Variants in ZNF879 observed in about 807,000 individuals in gnomAD.
ZNF879 encodes the protein zinc finger protein 879.
ZNF879 carries 32 observed loss-of-function variants against 44.3 expected under a neutral mutation model. The ratio of observed to expected loss-of-function variants is 0.72; its 90% CI spans 0.54 to 0.97. ZNF879 has a LOEUF of 0.97. Ranked by LOEUF, ZNF879 falls within the 50% of genes least tolerant of loss-of-function variation. The probability of loss-of-function intolerance (pLI) is 0.00; values close to 1 mark genes in which losing one functional copy is unlikely to be tolerated. For missense variants in ZNF879, 621 were observed against 669.7 expected (o/e 0.93, Z 0.80); for synonymous variants, 234 against 233.2 (o/e 1.00, Z -0.03).
At chr5:179,025,076 G>T (rs1425114262) in intron 2 of ZNF879, 39 bp downstream of exon 2, 2 of 1,550,356 alleles carry the variant, frequency 1.3e-6, no homozygotes, top group Admixed American at 3.9e-5. Context: ...TGCCTTCAGG[G>T]TCTAGACGTG....
At chr5:179,028,745 C>T (rs1761340414) in intron 4 of ZNF879, among the ~76,000 whole-genome samples, 1 of 152,154 alleles carries the variant, frequency 6.6e-6, no homozygotes, top group African/African-American at 2.4e-5. Context: ...GCTCCTAAGG[C>T]ATGTCACTTT....
intron 2 of ZNF879, among the ~76,000 whole-genome samples, chr5:179,027,225 C>A (rs1465880856): frequency 6.6e-6 from 1 of 152,142 alleles, no homozygotes; most frequent in Non-Finnish European, 1.5e-5. Context: ...ATCTAAAGTT[C>A]AGTGTTTTCT....
At chr5:179,027,784 T>C (rs1280103575) in intron 3 of ZNF879, among the ~76,000 whole-genome samples, 185 bp downstream of exon 3, 2 of 152,154 alleles carry the variant, frequency 1.3e-5, no homozygotes, top group Non-Finnish European at 2.9e-5. Flanking sequence ...TTTTCTCTGC[T>C]TTTCCTGTCT....
At position 179,032,474 on chromosome 5, in the gene ZNF879, A is replaced by G. The variant is rs1761446310; in HGVS notation, c.526A>G (p.Ile176Val). The G allele has an allele frequency of 6.4e-7, 1 of 1,551,718 alleles. No individual in the cohort carries two copies. The highest frequency in any genetic ancestry group is 8.7e-7 in the Non-Finnish European group (1 of 1,146,994). The change falls in exon 5 of 5, where the codon ATA (isoleucine) becomes GTA (valine). Residue 176 changes from isoleucine (I) to valine (V), a missense_variant. Coordinates refer to ENST00000444149, the MANE Select transcript of ZNF879 (RefSeq NM_001136116.3). ...ATCATCGCTTATTAGAAAACCGAGA[A>G]TAGTTTCCAGAGGAAGGAGACCCCG... The part of the protein sequence containing the change: ...LKSSLIRKPR[I>V]VSRGRRPRSQ...
rs1170185280 is a variant in ZNF879, at chr5:179,027,619, A to T, written c.160+20A>T. On this transcript the variant is annotated intron_variant, in intron 3 of 4. Coordinates refer to ENST00000444149, the MANE Select transcript of ZNF879 (RefSeq NM_001136116.3). Reference sequence around the variant, plus strand: ...CACTGGGTAAGGAACTTTCCTCCTGATGCAGAATCTGCCAGGAGAGCACCT... The same window carrying T: ...CACTGGGTAAGGAACTTTCCTCCTGTTGCAGAATCTGCCAGGAGAGCACCT... 6.2e-7 allele frequency: 1 copy of T among 1,613,100 alleles called. No individual in the cohort carries two copies. The highest frequency in any genetic ancestry group is 8.5e-7 in the Non-Finnish European group (1 of 1,179,490).
In ZNF879 at chr5:179,034,697, A is replaced by G. The variant is rs927996994; in HGVS notation, c.*1057A>G. The G allele has an allele frequency of 1.3e-5, 2 of 152,148 alleles. No homozygotes were observed. The highest frequency in any genetic ancestry group is 2.9e-5 in the Non-Finnish European group (2 of 68,034). 9.4% of individuals were successfully genotyped at this position (152,148 alleles called of 1,614,324 possible). On this transcript the variant is annotated 3_prime_UTR_variant, in exon 5 of 5. Transcript: ENST00000444149. Reference sequence around the variant, plus strand: ...TCTTTCTTCCAGCAAATGGACTTACACTCTTCAACAAGTGATTTAGCTCAT... The same window carrying G: ...TCTTTCTTCCAGCAAATGGACTTACGCTCTTCAACAAGTGATTTAGCTCAT...
chr5:179,031,471 G>A (rs535524899), intron 4 of ZNF879, among the ~76,000 whole-genome samples: 9 of 152,246 alleles, frequency 5.9e-5, no homozygotes, highest in South Asian at 2.1e-4. Flanking sequence ...TCTGGCCAGC[G>A]CTTGTTATTT....
chr5:179,033,426 TCAAC>T lies in ZNF879; in HGVS notation c.1482_1485del (p.Asn494LysfsTer5), dbSNP rs1761494269. 6.4e-7 allele frequency: 1 copy of T among 1,562,178 alleles called. No homozygotes were observed. Among genetic ancestry groups the T allele is most frequent in the Non-Finnish European group, 8.7e-7 (1 of 1,153,162 alleles). On this transcript the variant is annotated frameshift_variant, in exon 5 of 5. Transcript: ENST00000444149. LOFTEE classifies it high-confidence loss of function. ...AAATGTAATGACTGTGAGAAAGCCT[TCAAC>T]CAAAGCTCAGCTCTAATTCAGCACC...
chr5:179,029,846 A>G (rs1761374687), intron 4 of ZNF879, among the ~76,000 whole-genome samples: 1 of 152,198 alleles, frequency 6.6e-6, no homozygotes, highest in East Asian at 1.9e-4. Context: ...TCATTCAGTT[A>G]TTCAGCCCTC....
At chr5:179,025,957 C>G (rs13161528) in intron 2 of ZNF879, among the ~76,000 whole-genome samples, 43,910 of 149,396 alleles carry the variant, frequency 0.29, 6,981 homozygotes, top group African/African-American at 0.43. Context: ...TGGTGGTGCG[C>G]TCCTGTAATC....
chr5:179,034,104 AC>A lies in ZNF879; in HGVS notation c.*465del, dbSNP rs1269094925. ...GGTGACCCATAGCTACCTCACTGTC[AC>A]TAAAATGTTTTTTAATAATCTTAAA... On this transcript the variant is annotated 3_prime_UTR_variant, in exon 5 of 5. Transcript: ENST00000444149. The A allele has an allele frequency of 3.3e-5, 5 of 153,030 alleles. No individual in the cohort carries two copies. Among genetic ancestry groups the A allele is most frequent in the African/African-American group, 1.2e-4 (5 of 41,484 alleles). The allele number at this position is 153,030 out of a possible 1,614,324, so 9.5% of individuals were successfully genotyped here. A position where few individuals can be genotyped will look rare whatever the true frequency, so the allele number is the denominator to read the frequency against.
Position 179,032,429 on chromosome 5 carries a change from G to T in ZNF879, c.481G>T (p.Gly161Trp). 6.4e-7 allele frequency: 1 copy of T among 1,551,554 alleles called. No homozygotes were observed. The highest frequency in any genetic ancestry group is 8.7e-7 in the Non-Finnish European group (1 of 1,146,952). ...KERSFKGVEF[G>W]KNLGLKSSLI... is the part of the protein sequence containing the mutation. ...GAGGAGCTTTAAAGGTGTTGAATTT[G>T]GGAAAAATCTTGGTCTAAAATCATC... Residue 161 changes from glycine (G) to tryptophan (W), a missense_variant, in exon 5 of 5, where the codon GGG (glycine) becomes TGG (tryptophan). Coordinates refer to ENST00000444149, the MANE Select transcript of ZNF879 (RefSeq NM_001136116.3).
intron 1 of ZNF879, among the ~76,000 whole-genome samples, chr5:179,024,208 G>C (rs1761193847): frequency 6.6e-6 from 1 of 152,206 alleles, no homozygotes. Context: ...CCTCCGGGCG[G>C]TTTTTCGCTC....
intron 4 of ZNF879, among the ~76,000 whole-genome samples, chr5:179,030,659 A>G (rs1267588411): frequency 6.6e-6 from 1 of 152,174 alleles, no homozygotes; most frequent in African/African-American, 2.4e-5. Context: ...TTACAATTGC[A>G]TGATGTATTT....
At chr5:179,028,281 G>T (rs1003681062) in intron 4 of ZNF879, among the ~76,000 whole-genome samples, 154 bp downstream of exon 4, 1 of 152,216 alleles carries the variant, frequency 6.6e-6, no homozygotes, top group Non-Finnish European at 1.5e-5. Context: ...GATCCATCAT[G>T]TTCAGAGGAG....
chr5:179,032,992 G>A lies in ZNF879; in HGVS notation c.1044G>A (p.Gln348=). Residue 348 remains glutamine, a synonymous_variant, in exon 5 of 5, where the codon CAG becomes CAA. Transcript: ENST00000444149. The stretch of plus-strand genomic sequence containing the variant: ...GGGAGAAACCGTATGAATGTACTCA[G>A]TGTGGGAAAGCCTTCACTTCAATAT... ...HTGEKPYECT[Q]CGKAFTSISR... 1 of 1,556,528 alleles carries A rather than the reference G, an allele frequency of 6.4e-7. No individual in the cohort carries two copies. The highest frequency in any genetic ancestry group is 8.7e-7 in the Non-Finnish European group (1 of 1,149,998).
intron 1 of ZNF879, among the ~76,000 whole-genome samples, chr5:179,024,283 C>G (rs1186611183): frequency 6.6e-6 from 1 of 152,216 alleles, no homozygotes; most frequent in African/African-American, 2.4e-5. Context: ...TAGATTTACT[C>G]GTTTTTGGCA....
chr5:179,024,867 T>G, intron 1 of ZNF879, 103 bp from the exon 2 acceptor site: 1 of 889,956 alleles, frequency 1.1e-6, no homozygotes, highest in South Asian at 1.6e-5. Context: ...CCAGGCTCCT[T>G]CTCTGCAGGT....
Position 179,033,096 on chromosome 5 carries a change from A to G in ZNF879, c.1148A>G (p.Tyr383Cys), listed in dbSNP as rs566103156. The change falls in exon 5 of 5, where the codon TAT becomes TGT. Residue 383 changes from tyrosine (Y) to cysteine (C), a missense_variant. Coordinates refer to ENST00000444149, the MANE Select transcript of ZNF879 (RefSeq NM_001136116.3). Reference protein sequence around the residue: ...HCNECGKVFSYHSALIIHQRI... With the variant: ...HCNECGKVFSCHSALIIHQRI... ...AACGAGTGTGGAAAAGTATTCAGCTATCACTCAGCCCTTATCATACATCAG... is the reference window on the plus strand; with the variant it reads ...AACGAGTGTGGAAAAGTATTCAGCTGTCACTCAGCCCTTATCATACATCAG... 45 of 1,571,910 alleles carry G rather than the reference A, an allele frequency of 2.9e-5. No homozygotes were observed. The highest frequency in any genetic ancestry group is 2.6e-4 in the Admixed American group (14 of 53,026).
Sources: gnomAD v4.1 joint callset for allele counts (sites outside exome capture counted in the v4.1 genomes callset) on GRCh38, gnomAD v4.1.1 for gene constraint, MANE v1.5 for transcripts, NCBI Gene and HGNC (gene_info 2026-07-23, HGNC 2026-07-21) for gene names.